NRCAM: variants seen among roughly 807,000 people sequenced by gnomAD.
NRCAM encodes the protein NgCAM-related cell adhesion molecule.
A neutral mutation model predicts 156.5 loss-of-function variants in NRCAM; 83 were observed. The ratio of observed to expected loss-of-function variants is 0.53; its 90% CI spans 0.44 to 0.64. NRCAM has a LOEUF of 0.64. NRCAM is among the 30% of genes least tolerant of loss of function. The probability of loss-of-function intolerance (pLI) is 0.00; values close to 1 mark genes in which losing one functional copy is unlikely to be tolerated. For synonymous variants in NRCAM, 538 were observed against 563.9 expected (o/e 0.95, Z 0.65); for missense variants, 1,417 against 1,597.3 (o/e 0.89, Z 1.92).
intron 1 of NRCAM, among the ~76,000 whole-genome samples, chr7:108,450,818 T>C (rs1465931274): frequency 6.6e-6 from 1 of 152,232 alleles, no homozygotes; most frequent in Non-Finnish European, 1.5e-5. Flanking sequence ...AATCAATTAA[T>C]ACTTGTTGAA....
intron 2 of NRCAM, among the ~76,000 whole-genome samples, chr7:108,327,165 T>C (rs559164789): frequency 5.6e-4 from 86 of 152,314 alleles, no homozygotes; most frequent in African/African-American, 2.0e-3. Context: ...GAAAGGATAC[T>C]GGTCCGAATG....
At chr7:108,340,383 T>C (rs1344038062) in intron 2 of NRCAM, among the ~76,000 whole-genome samples, 1 of 138,342 alleles carries the variant, frequency 7.2e-6, no homozygotes, top group Non-Finnish European at 1.6e-5. Context: ...GATGGCTATA[T>C]TGATGTTTAC....
At chr7:108,286,989 A>G (rs928137040) in intron 3 of NRCAM, among the ~76,000 whole-genome samples, 6 of 152,150 alleles carry the variant, frequency 3.9e-5, no homozygotes, top group African/African-American at 1.4e-4. Flanking sequence ...GTCAACAAAA[A>G]TATACACTGG....
At chr7:108,361,858 T>G (rs546150581) in intron 2 of NRCAM, among the ~76,000 whole-genome samples, 2 of 151,186 alleles carry the variant, frequency 1.3e-5, no homozygotes, top group Non-Finnish European at 2.9e-5. Context: ...TATACGTATA[T>G]GTATTATATA....
chr7:108,437,626 T>C (rs1244258176), intron 1 of NRCAM, among the ~76,000 whole-genome samples: 1 of 152,132 alleles, frequency 6.6e-6, no homozygotes, highest in African/African-American at 2.4e-5. Flanking sequence ...CTGAAGGCCG[T>C]AGAATAAAAT....
chr7:108,295,807 C>G (rs1350207858), intron 3 of NRCAM, among the ~76,000 whole-genome samples: 2 of 152,202 alleles, frequency 1.3e-5, no homozygotes, highest in Non-Finnish European at 2.9e-5. Context: ...TTGTGACAAC[C>G]ACCAAAGTAC....
intron 4 of NRCAM, among the ~76,000 whole-genome samples, 170 bp downstream of exon 4, chr7:108,239,789 A>G (rs2095411482): frequency 1.3e-5 from 2 of 152,226 alleles, no homozygotes; most frequent in Non-Finnish European, 2.9e-5. Context: ...GGCCACTTCT[A>G]CAGTGTGAAT....
chr7:108,450,267 T>C (rs1355583742), intron 1 of NRCAM, among the ~76,000 whole-genome samples: 1 of 152,068 alleles, frequency 6.6e-6, no homozygotes, highest in Non-Finnish European at 1.5e-5. Flanking sequence ...CTTTTTTTTT[T>C]TTTTATCTTC....
chr7:108,411,850 G>A (rs375677584), intron 1 of NRCAM, among the ~76,000 whole-genome samples: 15 of 152,098 alleles, frequency 9.9e-5, no homozygotes, highest in African/African-American at 3.6e-4. Context: ...TCTTCTAACA[G>A]CTACACAGTA....
At chr7:108,390,794 A>G (rs1303591178) in intron 2 of NRCAM, among the ~76,000 whole-genome samples, 1 of 152,196 alleles carries the variant, frequency 6.6e-6, no homozygotes, top group Non-Finnish European at 1.5e-5. Context: ...ATTGGTTTCA[A>G]AGAACATCTT....
At chr7:108,189,599 C>A (rs7802430) in intron 20 of NRCAM, 46 bp downstream of exon 20, 1 of 804,998 alleles carries the variant, frequency 1.2e-6, no homozygotes, top group East Asian at 2.5e-5. Context: ...GTGCTTCAAA[C>A]ATGGCCATTT....
chr7:108,350,401 G>T (rs1381936562), intron 2 of NRCAM, among the ~76,000 whole-genome samples: 1 of 152,188 alleles, frequency 6.6e-6, no homozygotes, highest in African/African-American at 2.4e-5. Flanking sequence ...CTCAGCCTAG[G>T]TGCGAGGATA....
chr7:108,399,636 T>C (rs1301648045), intron 1 of NRCAM, 43 bp from the exon 2 acceptor site: 2 of 152,246 alleles, frequency 1.3e-5, no homozygotes, highest in Non-Finnish European at 2.9e-5. Context: ...TAAATTGTTT[T>C]GGGTTAATTC....
At chr7:108,242,287 T>C (rs1326171291) in intron 3 of NRCAM, among the ~76,000 whole-genome samples, 1 of 148,818 alleles carries the variant, frequency 6.7e-6, no homozygotes, top group Non-Finnish European at 1.5e-5. Flanking sequence ...AAGAATGTGC[T>C]AAACATAAAG....
intron 2 of NRCAM, among the ~76,000 whole-genome samples, chr7:108,360,697 T>C (rs1483559064): frequency 6.6e-6 from 1 of 152,198 alleles, no homozygotes; most frequent in Non-Finnish European, 1.5e-5. Flanking sequence ...CTTACATTTA[T>C]GGTCAACTGA....
chr7:108,248,136 G>A (rs1034504771), intron 3 of NRCAM, among the ~76,000 whole-genome samples: 6 of 152,180 alleles, frequency 3.9e-5, no homozygotes, highest in South Asian at 2.1e-4. Flanking sequence ...CTGAGAAGAT[G>A]TAAGGATTGG....
chr7:108,268,637 G>GGGGGGGGGGGGGGGGGGGGGGGAGA (rs2097209664), intron 3 of NRCAM, among the ~76,000 whole-genome samples: 1 of 48,590 alleles, frequency 2.1e-5, no homozygotes, highest in Non-Finnish European at 4.0e-5. Flanking sequence ...GGGGGGGGTT[G>GGGGGGGGGGGGGGGGGGGGGGGAGA]GGGGGGGCGG....
chr7:108,239,999 G>T lies in NRCAM; in HGVS notation c.66C>A (p.Phe22Leu). The change falls in exon 4 of 33, where the codon TTC becomes TTA. Residue 22 changes from phenylalanine to leucine, a missense_variant. Physicochemically the swap from Phe to Leu is conservative, Grantham distance 22. Around this residue, in one of 2 missense-constraint regions of NRCAM, gnomAD observed 1,238 missense variants for 1,336.4 expected, o/e 0.93. Transcript: ENST00000379028. ...LSAGRVPLIL[F>L]LCQMISALEV... is the part of the protein sequence containing the mutation. ...CCAGTGCACTAATCATCTGGCACAG[G>T]AAGAGAATCAGGGGCACTCTGCCCG... 6.2e-7 allele frequency: 1 copy of T among 1,613,310 alleles called. No homozygotes were observed. Among genetic ancestry groups the T allele is most frequent in the Non-Finnish European group, 8.5e-7 (1 of 1,179,436 alleles).
At chr7:108,219,782 AAATGGAAT>A (rs1267858626) in intron 11 of NRCAM, among the ~76,000 whole-genome samples, 2 of 152,188 alleles carry the variant, frequency 1.3e-5, no homozygotes, top group African/African-American at 4.8e-5. Context: ...TCCCTCTGAG[AAATGGAAT>A]AAGACAAGAA....
Sources: allele counts gnomAD v4.1 joint callset (sites outside exome capture counted in the v4.1 genomes callset), GRCh38; gene constraint gnomAD v4.1.1; regional missense constraint gnomAD v4.1.1; transcripts MANE v1.5; gene names NCBI Gene and HGNC (gene_info 2026-07-23, HGNC 2026-07-21).